The following PARVB variants were observed in gnomAD, a reference collection of about 807,000 sequenced individuals.
PARVB encodes parvin beta.
PARVB carries 46 observed loss-of-function variants against 47.0 expected under a neutral mutation model. The observed-to-expected ratio is 0.98, with a 90% CI of 0.77 to 1.25. The LOEUF is 1.25. Among genes scored for constraint, PARVB ranks in the 50% most tolerant of loss-of-function variants. The pLI is 0.00. For synonymous variants in PARVB, 196 were observed against 196.3 expected, an observed-to-expected ratio of 1.00 and a Z score of 0.01; for missense variants, 473 against 471.6, an observed-to-expected ratio of 1.00 and a Z score of -0.03.
At chr22:44,060,301 G>T (rs1277074484) in intron 1 of PARVB, among the ~76,000 whole-genome samples, 1 of 152,124 alleles carries the variant, frequency 6.6e-6, no homozygotes, top group East Asian at 1.9e-4. Context: ...GGGCAACAGA[G>T]AGAGACTCTT....
At position 44,157,827 on chromosome 22, in the gene PARVB, G is replaced by A. The variant is rs967976462; in HGVS notation, c.844-155G>A. 3.9e-5 allele frequency among the ~76,000 whole-genome samples: 6 copies of A among 152,114 alleles called. No individual in the cohort carries two copies. In the East Asian group the frequency reaches 5.8e-4, roughly 15 times the overall value. ...GAGGATCACCTGAGCCTGGGAGGCCGAGCTGCAGTGAGCCTTGATTGCATC... is the reference window on the plus strand; with the variant it reads ...GAGGATCACCTGAGCCTGGGAGGCCAAGCTGCAGTGAGCCTTGATTGCATC... On this transcript the variant is annotated intron_variant, in intron 10 of 12. Coordinates refer to ENST00000338758, the MANE Select transcript of PARVB (RefSeq NM_013327.5).
At chr22:44,008,812 C>T (rs1170136411) in intron 2 of PARVB, among the ~76,000 whole-genome samples, 2 of 151,726 alleles carry the variant, frequency 1.3e-5, no homozygotes, top group African/African-American at 4.8e-5. Flanking sequence ...GAGGAAACCC[C>T]ATCTCTACTA....
rs188629411 is a variant in PARVB, at chr22:44,085,756, G to T, written c.113-8172G>T. Among the ~76,000 whole-genome samples the T allele has an allele frequency of 3.3e-5, 5 of 152,286 alleles. No individual in the cohort carries two copies. The East Asian group carries it at 7.7e-4, about 24-fold the overall frequency. Reference sequence around the variant, plus strand: ...AGGATACGTCTTCCCTCGGCTACACGCAGACTCTCCACGGTGCAAGGGCAG... The same window carrying T: ...AGGATACGTCTTCCCTCGGCTACACTCAGACTCTCCACGGTGCAAGGGCAG... On this transcript the variant is annotated intron_variant, in intron 1 of 12. Coordinates refer to ENST00000338758, the MANE Select transcript of PARVB (RefSeq NM_013327.5).
At chr22:44,138,016 GC>G (rs1462402321) in intron 7 of PARVB, among the ~76,000 whole-genome samples, 4 of 152,106 alleles carry the variant, frequency 2.6e-5, no homozygotes, top group Admixed American at 6.5e-5. Context: ...GAGGAGCTGG[GC>G]CCCCTGCCAT....
chr22:44,164,728 C>T (rs2054129241), intron 12 of PARVB, among the ~76,000 whole-genome samples: 1 of 152,230 alleles, frequency 6.6e-6, no homozygotes, highest in African/African-American at 2.4e-5. Flanking sequence ...GCCCTGCTCC[C>T]TCTCCTGAGT....
intron 10 of PARVB, chr22:44,151,904 G>A (rs2053819071): frequency 1.9e-5 from 5 of 258,766 alleles, no homozygotes; most frequent in Non-Finnish European, 3.8e-5. Context: ...GGTTTTGCCA[G>A]GATCTTTAGC....
chr22:44,090,798 TGTG>T (rs2052148671), intron 1 of PARVB, among the ~76,000 whole-genome samples: 1 of 152,254 alleles, frequency 6.6e-6, no homozygotes, highest in Admixed American at 6.5e-5. Context: ...CTGCCCCTGT[TGTG>T]TCCTCCTATG....
intron 3 of PARVB, chr22:44,108,113 A>G (rs995431483): frequency 1.3e-5 from 2 of 152,276 alleles, no homozygotes; most frequent in Admixed American, 6.5e-5. Context: ...AGCTCAGGCA[A>G]TCTGCCTGCC....
chr22:44,002,275 G>C (rs1416209269), intron 2 of PARVB, among the ~76,000 whole-genome samples: 2 of 152,232 alleles, frequency 1.3e-5, no homozygotes. Flanking sequence ...GTTGTCCAAA[G>C]CTAATTTTTT....
chr22:44,098,702 A>T (rs932556477), intron 2 of PARVB, among the ~76,000 whole-genome samples: 3 of 152,100 alleles, frequency 2.0e-5, no homozygotes, highest in African/African-American at 7.2e-5. Flanking sequence ...GATCTGTATG[A>T]CTTCAAAATT....
intron 1 of PARVB, among the ~76,000 whole-genome samples, chr22:44,048,376 C>T (rs12170990): frequency 6.6e-6 from 1 of 151,792 alleles, no homozygotes; most frequent in Non-Finnish European, 1.5e-5. Flanking sequence ...TAATTTCGCT[C>T]GAATTTTTTT....
chr22:44,001,411 A>C (rs1224841223), intron 2 of PARVB, among the ~76,000 whole-genome samples: 2 of 152,240 alleles, frequency 1.3e-5, no homozygotes, highest in Non-Finnish European at 2.9e-5. Flanking sequence ...CACCTAACCT[A>C]CTGGACATCG....
chr22:44,131,614 G>A lies in PARVB; in HGVS notation c.504G>A (p.Arg168=). 6.2e-7 allele frequency: 1 copy of A among 1,613,418 alleles called. No individual in the cohort carries two copies. Among genetic ancestry groups the A allele is most frequent in the South Asian group, 1.1e-5 (1 of 90,990 alleles). The change falls in exon 5 of 13, where the codon CGG becomes CGA. Residue 168 remains arginine (R), a synonymous_variant. Transcript: ENST00000338758. The part of the protein sequence containing the change: ...DLLRPRGWAL[R]WSVDSIHGKN... ...TGCGGCCCCGAGGCTGGGCGCTCCGGTGGAGCGTGGACTGTGAGTTCCACG... is the reference window on the plus strand; with the variant it reads ...TGCGGCCCCGAGGCTGGGCGCTCCGATGGAGCGTGGACTGTGAGTTCCACG...
chr22:44,156,950 G>A (rs1390048017), intron 10 of PARVB, among the ~76,000 whole-genome samples: 1 of 152,216 alleles, frequency 6.6e-6, no homozygotes, highest in Non-Finnish European at 1.5e-5. Context: ...GGGTGGTGGT[G>A]AGGGTGACCC....
chr22:44,093,980 C>T lies in PARVB; in HGVS notation c.165C>T (p.Pro55=), dbSNP rs369214399. ...GKNAINSPMS[P]ALVDVHPEDT... is the part of the protein sequence containing the mutation. ...ATGCCATCAACTCACCGATGTCCCCCGCCCTGGTGGATGTTCACCCTGAAG... is the reference window on the plus strand; with the variant it reads ...ATGCCATCAACTCACCGATGTCCCCTGCCCTGGTGGATGTTCACCCTGAAG... The change falls in exon 2 of 13, where the codon CCC becomes CCT. Residue 55 remains proline, a synonymous_variant. Coordinates refer to ENST00000338758, the MANE Select transcript of PARVB (RefSeq NM_013327.5). 42 of 1,613,312 alleles carry T rather than the reference C, an allele frequency of 2.6e-5. No homozygotes were observed. The highest frequency in any genetic ancestry group is 6.6e-5 in the South Asian group (6 of 91,058).
At chr22:44,042,006 T>C (rs562424774) in intron 1 of PARVB, among the ~76,000 whole-genome samples, 24 of 152,332 alleles carry the variant, frequency 1.6e-4, no homozygotes, top group Middle Eastern at 3.4e-3. Flanking sequence ...TCCCCCACTT[T>C]ATCCATCAGG....
chr22:44,035,902 A>G (rs937440779), intron 1 of PARVB, among the ~76,000 whole-genome samples: 2 of 152,114 alleles, frequency 1.3e-5, no homozygotes, highest in African/African-American at 4.8e-5. Flanking sequence ...TAGCAACAGG[A>G]GGCGGCTACT....
intron 1 of PARVB, among the ~76,000 whole-genome samples, chr22:44,078,330 G>A (rs908281664): frequency 6.6e-6 from 1 of 152,166 alleles, no homozygotes; most frequent in Non-Finnish European, 1.5e-5. Flanking sequence ...GTTAGACCCG[G>A]ACCTGCCTAA....
intron 4 of PARVB, among the ~76,000 whole-genome samples, chr22:44,129,292 G>C (rs1328585970): frequency 6.6e-6 from 1 of 152,174 alleles, no homozygotes; most frequent in African/African-American, 2.4e-5. Flanking sequence ...CCGGTGCCTT[G>C]ATCTTGGACT....
Sources: allele counts gnomAD v4.1 joint callset (sites outside exome capture counted in the v4.1 genomes callset), GRCh38; gene constraint gnomAD v4.1.1; transcripts MANE v1.5; gene names NCBI Gene and HGNC (gene_info 2026-07-23, HGNC 2026-07-21).